HIBCH: variants seen among roughly 807,000 people sequenced by gnomAD.
HIBCH encodes 3-hydroxyisobutyryl-CoA hydrolase, mitochondrial.
HIBCH carries 50 observed loss-of-function variants against 58.2 expected under a neutral mutation model. That is an observed-to-expected ratio of 0.86 (90% CI 0.68 to 1.09). HIBCH has a LOEUF of 1.09. HIBCH is among the 50% of genes least tolerant of loss of function. The probability of loss-of-function intolerance (pLI) is 0.00; values close to 1 mark genes in which losing one functional copy is unlikely to be tolerated. For synonymous variants in HIBCH, 151 were observed against 146.9 expected (o/e 1.03, Z -0.20); for missense variants, 450 against 449.7 (o/e 1.00, Z -0.01).
intron 1 of HIBCH, among the ~76,000 whole-genome samples, chr2:190,192,195 A>G (rs989336971): frequency 3.3e-5 from 5 of 151,994 alleles, no homozygotes; most frequent in Non-Finnish European, 7.4e-5. Context: ...TTCCAATCCC[A>G]TTTGTTGAAA....
chr2:190,224,927 A>G (rs1187089833), intron 11 of HIBCH, among the ~76,000 whole-genome samples: 2 of 152,232 alleles, frequency 1.3e-5, no homozygotes, highest in African/African-American at 4.8e-5. Flanking sequence ...AGTCTCTCAG[A>G]CCACAGTGCA....
chr2:190,200,393 T>C (rs926089874), downstream of HIBCH: 1 of 425,378 alleles, frequency 2.4e-6, no homozygotes, highest in Non-Finnish European at 4.4e-6. Flanking sequence ...TGACACCCAA[T>C]AATCAGCTGA....
chr2:190,274,779 A>G (rs1478047634), intron 6 of HIBCH, among the ~76,000 whole-genome samples: 3 of 152,208 alleles, frequency 2.0e-5, no homozygotes, highest in Non-Finnish European at 4.4e-5. Context: ...TTACCACAAA[A>G]AGCATGGTAA....
chr2:190,260,302 T>C (rs1394999434), intron 7 of HIBCH: 1 of 152,104 alleles, frequency 6.6e-6, no homozygotes, highest in African/African-American at 2.4e-5. Flanking sequence ...TTCAAAAATA[T>C]CATTAATATG....
In HIBCH at chr2:190,279,968, T is replaced by C. The variant is rs1423744114; in HGVS notation, c.438+7618A>G. 1 of 152,834 alleles carries C rather than the reference T, an allele frequency of 6.5e-6. No homozygotes were observed. Among genetic ancestry groups the C allele is most frequent in the African/African-American group, 2.4e-5 (1 of 41,454 alleles). 9.5% of individuals were successfully genotyped at this position (152,834 alleles called of 1,614,324 possible). ...GCAGTAGGGTGAACGCGTCAGGTTA[T>C]AAATTACCCTGTCCCCTTTGTTCGC... On this transcript the variant is annotated intron_variant, in intron 6 of 13. Coordinates refer to ENST00000359678, the MANE Select transcript of HIBCH (RefSeq NM_014362.4). The surrounding 1 kb of genome is among the most constrained non-coding windows in gnomAD (Gnocchi z 4.2).
At chr2:190,259,319 A>ATG (rs370172555) in intron 7 of HIBCH, among the ~76,000 whole-genome samples, 11,644 of 121,904 alleles carry the variant, frequency 0.096, 621 homozygotes, top group African/African-American at 0.11. Context: ...CAGTATACAG[A>ATG]TGTGTGTGTG....
chr2:190,319,627 G>C (rs373685828), intron 1 of HIBCH, 89 bp downstream of exon 1: 5 of 1,157,990 alleles, frequency 4.3e-6, no homozygotes, highest in East Asian at 2.5e-5. Context: ...TCGAAACTTC[G>C]AGGCCAGCAG....
intron 12 of HIBCH, among the ~76,000 whole-genome samples, chr2:190,212,560 T>A (rs1471741099): frequency 6.6e-6 from 1 of 152,226 alleles, no homozygotes; most frequent in Non-Finnish European, 1.5e-5. Context: ...ATAACTTCCA[T>A]TTGTGCATTT....
At chr2:190,289,929 G>C (rs938236461) in intron 5 of HIBCH, among the ~76,000 whole-genome samples, 4 of 152,216 alleles carry the variant, frequency 2.6e-5, no homozygotes, top group Non-Finnish European at 5.9e-5. Context: ...CCAGGCTGGA[G>C]TGCAGTGGTG....
chr2:190,203,289 A>G (rs181158241), downstream of HIBCH: 64 of 167,200 alleles, frequency 3.8e-4, 1 homozygote, highest in East Asian at 8.3e-3. Context: ...TTGAATAACT[A>G]AATAGGACAT....
chr2:190,262,030 T>C lies in HIBCH; in HGVS notation c.439-796A>G, dbSNP rs535593692. Among the ~76,000 whole-genome samples the C allele has an allele frequency of 2.6e-5, 4 of 152,078 alleles. No homozygotes were observed. The East Asian group carries it at 7.7e-4, about 29-fold the overall frequency. On this transcript the variant is annotated intron_variant, in intron 6 of 13. Transcript: ENST00000359678. Reference sequence around the variant, plus strand: ...AATTAGATAAGGTTCTTCTTACTCTTAGGTACTTAAAACTAAAACACAGTG... The same window carrying C: ...AATTAGATAAGGTTCTTCTTACTCTCAGGTACTTAAAACTAAAACACAGTG...
At chr2:190,246,297 A>G in intron 9 of HIBCH, 85 bp from the exon 10 acceptor site, 1 of 778,802 alleles carries the variant, frequency 1.3e-6, no homozygotes, top group East Asian at 2.7e-5. Flanking sequence ...CACTTTGTGA[A>G]AGATTGTCAC....
rs1690471264 is a variant in HIBCH at position 190,209,632 on chromosome 2, T to C, written c.1012-719A>G. ...ACACCTGCAGGCAACTGTGGCCATC[T>C]GCACCTGCCTTCTCTTTCAATGCCG... On this transcript the variant is annotated intron_variant, in intron 12 of 13. Transcript: ENST00000359678. This position sits in a 1 kb window ranked among gnomAD's most constrained non-coding sequence, Gnocchi z 5.6. Among the ~76,000 whole-genome samples the C allele has an allele frequency of 2.0e-5, 3 of 152,236 alleles. No individual in the cohort carries two copies. The South Asian group carries it at 6.2e-4, about 32-fold the overall frequency.
At chr2:190,251,442 C>T in intron 8 of HIBCH, 1 of 370,454 alleles carries the variant, frequency 2.7e-6, no homozygotes, top group South Asian at 2.2e-5. Context: ...CCAGGTGAAG[C>T]AAAATACATC....
chr2:190,239,158 G>C (rs1221389389), intron 11 of HIBCH, among the ~76,000 whole-genome samples: 1 of 152,090 alleles, frequency 6.6e-6, no homozygotes, highest in African/African-American at 2.4e-5. Flanking sequence ...TAAGGAAGGG[G>C]TCCAGTTTCA....
chr2:190,270,680 G>A (rs926884614), intron 6 of HIBCH, among the ~76,000 whole-genome samples: 1 of 152,070 alleles, frequency 6.6e-6, no homozygotes, highest in African/African-American at 2.4e-5. Context: ...ATTTGTCATC[G>A]CACATGCTTT....
At chr2:190,200,235 TAAC>T, downstream of HIBCH, 1 of 1,050,286 alleles carries the variant, frequency 9.5e-7, no homozygotes, top group Non-Finnish European at 1.4e-6. Context: ...AAAGTACAAA[TAAC>T]TATCTGGATT....
intron 11 of HIBCH, among the ~76,000 whole-genome samples, chr2:190,229,055 C>T (rs895232190): frequency 1.3e-5 from 2 of 152,102 alleles, no homozygotes; most frequent in Non-Finnish European, 2.9e-5. Flanking sequence ...TCAAAAGTCT[C>T]CCAGAACACC....
exon 2 of HIBCH, chr2:190,189,890 A>C (rs1689632559): frequency 1.3e-5 from 2 of 152,234 alleles, no homozygotes; most frequent in African/African-American, 2.4e-5. Flanking sequence ...GATTATGACC[A>C]CTGAGTTGGG....
Sources: allele counts gnomAD v4.1 joint callset (sites outside exome capture counted in the v4.1 genomes callset), GRCh38; gene constraint gnomAD v4.1.1; non-coding constraint Gnocchi (gnomAD v3.1); transcripts MANE v1.5; gene names NCBI Gene and HGNC (gene_info 2026-07-23, HGNC 2026-07-21).